MIR2052HG: variants seen among roughly 807,000 people sequenced by gnomAD.
MIR2052HG encodes MIR2052 host gene.
At chr8:74,634,145 T>G (rs999063258) in intron 2 of MIR2052HG, among the ~76,000 whole-genome samples, 2 of 152,176 alleles carry the variant, frequency 1.3e-5, no homozygotes, top group South Asian at 4.1e-4. Flanking sequence ...GATTTAGGCT[T>G]CCTGAAATGT....
chr8:74,620,461 G>A (rs372559772), intron 2 of MIR2052HG, among the ~76,000 whole-genome samples: 3 of 152,338 alleles, frequency 2.0e-5, no homozygotes, highest in African/African-American at 7.2e-5. Flanking sequence ...GGAAACTTCT[G>A]TCTGGACATC....
chr8:74,720,590 A>G (rs1344136221), intron 4 of MIR2052HG, among the ~76,000 whole-genome samples: 2 of 152,144 alleles, frequency 1.3e-5, no homozygotes, highest in African/African-American at 2.4e-5. Flanking sequence ...TGCTAATCCA[A>G]TGCTTGAGTG....
In MIR2052HG at chr8:74,687,214, C is replaced by T. The variant is rs150108522; in HGVS notation, n.217-15165C>T. 2.0e-3 allele frequency among the ~76,000 whole-genome samples: 310 copies of T among 151,964 alleles called. No individual in the cohort carries two copies. The Middle Eastern group carries it at 0.024, about 12-fold the overall frequency. On this transcript the variant is annotated intron_variant and non_coding_transcript_variant, in intron 2 of 6. Coordinates refer to ENST00000523442, the Ensembl canonical transcript of MIR2052HG. ...AAAATATAAGTGTTGGTGGGGACTT[C>T]GAAGAATTAGAACACTTGTACACCA...
intron 2 of MIR2052HG, among the ~76,000 whole-genome samples, chr8:74,701,772 A>G (rs912813669): frequency 3.3e-5 from 5 of 152,132 alleles, no homozygotes; most frequent in African/African-American, 9.7e-5. Flanking sequence ...TTTAACTTCT[A>G]TGGTGCTTGG....
chr8:74,700,477 T>A (rs188960057), intron 2 of MIR2052HG, among the ~76,000 whole-genome samples: 89 of 152,282 alleles, frequency 5.8e-4, no homozygotes, highest in Non-Finnish European at 5.9e-4. Flanking sequence ...CAGGTGAAGT[T>A]AATTTAATAA....
intron 4 of MIR2052HG, among the ~76,000 whole-genome samples, chr8:74,722,361 C>A (rs1005200884): frequency 6.6e-6 from 1 of 152,102 alleles, no homozygotes; most frequent in Non-Finnish European, 1.5e-5. Context: ...TTTAAAAAAT[C>A]TTTACAAATA....
intron 2 of MIR2052HG, among the ~76,000 whole-genome samples, chr8:74,660,718 A>T (rs909388807): frequency 5.3e-5 from 8 of 152,196 alleles, no homozygotes; most frequent in Admixed American, 3.9e-4. Context: ...ATCATCAATT[A>T]CATGAGCGTT....
intron 5 of MIR2052HG, chr8:74,757,891 C>A (rs2128757363): frequency 6.6e-6 from 1 of 152,100 alleles, no homozygotes; most frequent in Admixed American, 6.5e-5. Context: ...TTCCAAAATA[C>A]CAAAAAATGT....
chr8:74,656,072 A>G (rs1246920694), intron 2 of MIR2052HG, among the ~76,000 whole-genome samples: 4 of 151,908 alleles, frequency 2.6e-5, no homozygotes, highest in Admixed American at 1.3e-4. Context: ...GTTTTGGCCA[A>G]TCTCTCCCAT....
chr8:74,641,218 A>G (rs1808636250), intron 2 of MIR2052HG, among the ~76,000 whole-genome samples: 1 of 152,138 alleles, frequency 6.6e-6, no homozygotes, highest in Non-Finnish European at 1.5e-5. Context: ...CCAAATGCCA[A>G]TTTCTTAGAG....
At chr8:74,748,845 T>A (rs1809914030) in intron 4 of MIR2052HG, among the ~76,000 whole-genome samples, 1 of 152,166 alleles carries the variant, frequency 6.6e-6, no homozygotes. Flanking sequence ...TCCATGACTT[T>A]CCAAAGGCCA....
intron 1 of MIR2052HG, chr8:74,603,320 A>T: frequency 6.2e-7 from 1 of 1,606,792 alleles, no homozygotes; most frequent in Non-Finnish European, 8.5e-7. Context: ...GTCTCCGAGG[A>T]AAGCCTGACA....
intron 4 of MIR2052HG, among the ~76,000 whole-genome samples, chr8:74,713,503 T>G (rs1449145972): frequency 6.6e-6 from 1 of 151,792 alleles, no homozygotes; most frequent in Non-Finnish European, 1.5e-5. Context: ...TATCTTCAGT[T>G]TTTTTTCATT....
At chr8:74,755,512 T>C (rs1809990262) in intron 5 of MIR2052HG, among the ~76,000 whole-genome samples, 1 of 152,242 alleles carries the variant, frequency 6.6e-6, no homozygotes, top group South Asian at 2.1e-4. Context: ...GTTGAATTTA[T>C]AGGATGGATG....
chr8:74,603,512 G>A, intron 1 of MIR2052HG: 1 of 1,557,394 alleles, frequency 6.4e-7, no homozygotes, highest in Non-Finnish European at 8.9e-7. Context: ...GGAATGGTAA[G>A]TTCATGAGAA....
chr8:74,603,285 G>A, intron 1 of MIR2052HG: 1 of 1,555,474 alleles, frequency 6.4e-7, no homozygotes, highest in African/African-American at 1.4e-5. Flanking sequence ...AATCTGCATT[G>A]TTCTAGCTGC....
rs1808470289 is a variant in MIR2052HG, at chr8:74,628,778, CA to C, written n.216+15840del. 2.0e-5 allele frequency: 3 copies of C among 152,014 alleles called. No individual in the cohort carries two copies. The South Asian group carries it at 6.2e-4, about 31-fold the overall frequency. The allele number at this position is 152,014 out of a possible 1,614,324, so 9.4% of individuals were successfully genotyped here. ...ATATTAGAAGGTATAATTCAAGAGA[CA>C]ATGAAATTGTGTAAGTCTGACCTTT... is the stretch of plus-strand genomic sequence containing the variant. On this transcript the variant is annotated intron_variant and non_coding_transcript_variant, in intron 2 of 6. Transcript: ENST00000523442.
intron 4 of MIR2052HG, among the ~76,000 whole-genome samples, chr8:74,711,328 A>G (rs907367505): frequency 2.0e-5 from 3 of 152,204 alleles, no homozygotes; most frequent in African/African-American, 7.2e-5. Context: ...ATGAAGGGAC[A>G]CTATATTGTT....
At chr8:74,729,790 T>C (rs1189186889) in intron 4 of MIR2052HG, among the ~76,000 whole-genome samples, 1 of 152,150 alleles carries the variant, frequency 6.6e-6, no homozygotes, top group Admixed American at 6.6e-5. Flanking sequence ...ATAAAGATAT[T>C]GTCAGCTTCC....
Sources: gnomAD v4.1 joint callset for allele counts (sites outside exome capture counted in the v4.1 genomes callset) on GRCh38, gnomAD v4.1.1 for gene constraint, MANE v1.5 for transcripts, NCBI Gene and HGNC (gene_info 2026-07-23, HGNC 2026-07-21) for gene names.